The following SEMA5A variants were observed in gnomAD, a reference collection of about 807,000 sequenced individuals.
The protein encoded by SEMA5A is semaphorin 5A.
In SEMA5A, 55 loss-of-function variants were observed where a neutral mutation model predicts 135.5. The observed-to-expected ratio is 0.41, with a 90% CI of 0.33 to 0.51. The LOEUF is 0.51. SEMA5A is among the 20% of genes least tolerant of loss of function. The pLI, the probability that SEMA5A is intolerant of heterozygous loss-of-function variation, is 0.37. For missense variants in SEMA5A, 1,290 were observed against 1,419.9 expected (o/e 0.91, Z 1.47); for synonymous variants, 580 against 546.5 (o/e 1.06, Z -0.85).
chr5:9,116,776 C>T (rs936825037), intron 15 of SEMA5A, among the ~76,000 whole-genome samples: 2 of 152,172 alleles, frequency 1.3e-5, no homozygotes, highest in Non-Finnish European at 2.9e-5. Flanking sequence ...ATCATAGTCT[C>T]CTTCAATCTT....
intron 11 of SEMA5A, among the ~76,000 whole-genome samples, chr5:9,155,417 C>G (rs936650987): frequency 6.6e-6 from 1 of 151,044 alleles, no homozygotes; most frequent in Non-Finnish European, 1.5e-5. Context: ...GGTGAGCGGC[C>G]CCTGAGCCAT....
chr5:9,152,323 C>T (rs1485065904), intron 12 of SEMA5A, among the ~76,000 whole-genome samples: 1 of 152,178 alleles, frequency 6.6e-6, no homozygotes, highest in Non-Finnish European at 1.5e-5. Flanking sequence ...GTTGGCCAGA[C>T]CCCAATCCTG....
chr5:9,192,372 C>G (rs372836279), intron 10 of SEMA5A, among the ~76,000 whole-genome samples: 5 of 152,370 alleles, frequency 3.3e-5, no homozygotes, highest in African/African-American at 9.6e-5. Flanking sequence ...TGTAAATTAA[C>G]TGGAAGTCCT....
chr5:9,388,469 G>GAAAAAAAAAAAA (rs397996757), intron 2 of SEMA5A, among the ~76,000 whole-genome samples: 1 of 110,502 alleles, frequency 9.0e-6, no homozygotes, highest in African/African-American at 3.4e-5. Context: ...TCCTTTCTAA[G>GAAAAAAAAAAAA]AAAAAAAAAA....
chr5:9,464,924 G>A (rs1279014915), intron 1 of SEMA5A, among the ~76,000 whole-genome samples: 1 of 152,214 alleles, frequency 6.6e-6, no homozygotes, highest in Non-Finnish European at 1.5e-5. Context: ...TGTCCAGCAC[G>A]ATGGTCTGCA....
chr5:9,428,421 A>T (rs985086678), intron 2 of SEMA5A, among the ~76,000 whole-genome samples: 1 of 152,162 alleles, frequency 6.6e-6, no homozygotes, highest in African/African-American at 2.4e-5. Context: ...TCAAATGCTC[A>T]CTTTAAGAAA....
chr5:9,455,957 G>A (rs900955007), intron 1 of SEMA5A, among the ~76,000 whole-genome samples: 4 of 152,152 alleles, frequency 2.6e-5, no homozygotes, highest in Non-Finnish European at 5.9e-5. Flanking sequence ...ACACATTATG[G>A]AGAATCTCAA....
chr5:9,282,588 T>A (rs747634349), intron 5 of SEMA5A, among the ~76,000 whole-genome samples: 9 of 152,150 alleles, frequency 5.9e-5, no homozygotes, highest in Non-Finnish European at 1.0e-4. Flanking sequence ...TCCTAAATAC[T>A]TTTTCTAGAA....
At chr5:9,485,537 T>G (rs1203863351) in intron 1 of SEMA5A, among the ~76,000 whole-genome samples, 2 of 152,102 alleles carry the variant, frequency 1.3e-5, no homozygotes, top group Non-Finnish European at 2.9e-5. Flanking sequence ...TGTTCAGAAG[T>G]GCTGAACAAA....
rs571048396 is a variant in SEMA5A at position 9,463,105 on chromosome 5, C to T, written c.-174-25253G>A. ...AATAAGGATGCAACTTGCATCCAAG[C>T]TCTGATAAAAGACTCATCTTGTGGG... On this transcript the variant is annotated intron_variant, in intron 1 of 22. Coordinates refer to ENST00000382496, the MANE Select transcript of SEMA5A (RefSeq NM_003966.3). Among the ~76,000 whole-genome samples, 5 of 152,106 alleles carry T rather than the reference C, an allele frequency of 3.3e-5. No homozygotes were observed. The East Asian group carries it at 9.7e-4, about 29-fold the overall frequency.
At chr5:9,167,333 C>T (rs913850283) in intron 11 of SEMA5A, among the ~76,000 whole-genome samples, 4 of 152,178 alleles carry the variant, frequency 2.6e-5, no homozygotes, top group Non-Finnish European at 4.4e-5. Flanking sequence ...CCAACCAACT[C>T]TCAGGCGTAC....
At chr5:9,123,070 C>T (rs1287127689) in intron 13 of SEMA5A, among the ~76,000 whole-genome samples, 4 of 151,280 alleles carry the variant, frequency 2.6e-5, no homozygotes, top group Non-Finnish European at 4.4e-5. Context: ...CTGGCTAACA[C>T]GGTGAAACCC....
Position 9,351,854 on chromosome 5 carries a change from C to T in SEMA5A, c.125-14042G>A, listed in dbSNP as rs548859924. ...TCTCAAGTCTCAAAGCTGTACTCTA[C>T]TTGCATTGGCTTTCTCTGTCTGCAA... is the stretch of plus-strand genomic sequence containing the variant. On this transcript the variant is annotated intron_variant, in intron 3 of 22. Transcript: ENST00000382496. Among the ~76,000 whole-genome samples the T allele has an allele frequency of 1.7e-3, 257 of 152,340 alleles. 2 individuals are homozygous for T. The highest frequency in any genetic ancestry group is 9.3e-3 in the South Asian group (45 of 4,822).
chr5:9,367,418 T>C (rs1174950881), intron 3 of SEMA5A: 1 of 152,206 alleles, frequency 6.6e-6, no homozygotes, highest in Non-Finnish European at 1.5e-5. Context: ...TTGCATGCAT[T>C]ACTACAAAAG....
intron 1 of SEMA5A, among the ~76,000 whole-genome samples, chr5:9,471,030 C>G (rs2126753932): frequency 6.6e-6 from 1 of 152,074 alleles, no homozygotes; most frequent in African/African-American, 2.4e-5. Context: ...GAGTAGGTAG[C>G]TGAAAAGAAA....
intron 4 of SEMA5A, among the ~76,000 whole-genome samples, chr5:9,329,634 A>G (rs1255305092): frequency 2.0e-5 from 3 of 152,260 alleles, no homozygotes; most frequent in Non-Finnish European, 2.9e-5. Context: ...AAAGCTCTCA[A>G]TACTCAGTCT....
chr5:9,368,773 T>C (rs1426249858), intron 3 of SEMA5A, among the ~76,000 whole-genome samples: 1 of 152,248 alleles, frequency 6.6e-6, no homozygotes, highest in Admixed American at 6.5e-5. Context: ...TTTTACATAA[T>C]TAATTTATTC....
intron 5 of SEMA5A, among the ~76,000 whole-genome samples, chr5:9,273,212 A>G (rs1750078919): frequency 6.6e-6 from 1 of 152,180 alleles, no homozygotes; most frequent in Non-Finnish European, 1.5e-5. Context: ...CAATAGCTGA[A>G]TCAATTAAGC....
intron 1 of SEMA5A, among the ~76,000 whole-genome samples, chr5:9,443,017 A>C (rs1300772814): frequency 6.6e-6 from 1 of 152,228 alleles, no homozygotes; most frequent in East Asian, 1.9e-4. Flanking sequence ...CCCAGCACTC[A>C]GATGTGGGCT....
Sources: allele counts gnomAD v4.1 joint callset (sites outside exome capture counted in the v4.1 genomes callset), GRCh38; gene constraint gnomAD v4.1.1; transcripts MANE v1.5; gene names NCBI Gene and HGNC (gene_info 2026-07-23, HGNC 2026-07-21).